The following CATSPERB variants were observed in gnomAD, a reference collection of about 807,000 sequenced individuals.
The protein encoded by CATSPERB is cation channel sperm-associated auxiliary subunit beta.
CATSPERB carries 93 observed loss-of-function variants against 128.3 expected under a neutral mutation model. The ratio of observed to expected loss-of-function variants is 0.72; its 90% CI spans 0.61 to 0.86. The LOEUF (loss-of-function observed/expected upper bound fraction) is 0.86, where lower values mean the gene tolerates loss of function less well. Among genes scored for constraint, CATSPERB ranks in the 40% least tolerant of loss-of-function variants. The pLI, the probability that CATSPERB is intolerant of heterozygous loss-of-function variation, is 0.00. For synonymous variants in CATSPERB, 381 were observed against 448.8 expected, an observed-to-expected ratio of 0.85 and a Z score of 1.91; for missense variants, 1,153 against 1,329.5, an observed-to-expected ratio of 0.87 and a Z score of 2.06.
intron 17 of CATSPERB, among the ~76,000 whole-genome samples, chr14:91,628,985 T>C (rs1363661590): frequency 1.2e-4 from 19 of 152,140 alleles, no homozygotes. Context: ...CTAAACATAC[T>C]CTTAGCATAC....
chr14:91,723,947 C>T lies in CATSPERB; in HGVS notation c.169-758G>A, dbSNP rs114380642. On this transcript the variant is annotated intron_variant, in intron 3 of 26. Coordinates refer to ENST00000256343, the MANE Select transcript of CATSPERB (RefSeq NM_024764.4). The stretch of plus-strand genomic sequence containing the variant: ...ATAAATATAGAATACATTATAAGAA[C>T]GAGGCAGGGAAGGGAGGTTGAGAGT... Among the ~76,000 whole-genome samples the T allele has an allele frequency of 5.2e-3, 797 of 152,084 alleles. 7 individuals are homozygous for T. Among genetic ancestry groups the T allele is most frequent in the African/African-American group, 0.018 (737 of 41,474 alleles).
chr14:91,684,686 C>T (rs1895344494), intron 10 of CATSPERB, among the ~76,000 whole-genome samples: 1 of 149,628 alleles, frequency 6.7e-6, no homozygotes, highest in East Asian at 2.0e-4. Context: ...ACAATTTCGG[C>T]TCACTACAAA....
intron 16 of CATSPERB, 120 bp from the exon 17 acceptor site, chr14:91,636,699 T>G: frequency 1.2e-6 from 1 of 846,690 alleles, no homozygotes; most frequent in Non-Finnish European, 1.8e-6. Context: ...ACTTATCAAT[T>G]GGAGAAATAA....
intron 14 of CATSPERB, among the ~76,000 whole-genome samples, chr14:91,661,548 T>TATATATATA (rs1566722229): frequency 7.5e-5 from 11 of 146,854 alleles, no homozygotes; most frequent in South Asian, 6.4e-4. Context: ...TATATATATA[T>TATATATATA]TTAAGACAGG....
chr14:91,686,241 T>A (rs573784220), intron 10 of CATSPERB, among the ~76,000 whole-genome samples: 1 of 152,330 alleles, frequency 6.6e-6, no homozygotes, highest in South Asian at 2.1e-4. Context: ...TTTTTAATGA[T>A]CTAGCCCCCT....
intron 11 of CATSPERB, among the ~76,000 whole-genome samples, chr14:91,679,841 G>C (rs182105319): frequency 9.5e-4 from 145 of 152,264 alleles, no homozygotes; most frequent in African/African-American, 3.4e-3. Context: ...ATAGACTCCA[G>C]TATCACCATC....
intron 17 of CATSPERB, among the ~76,000 whole-genome samples, chr14:91,631,596 C>T (rs755329045): frequency 4.6e-5 from 7 of 152,032 alleles, no homozygotes; most frequent in Admixed American, 1.3e-4. Context: ...ACCCAGGAGG[C>T]GGAGGTTGCA....
At chr14:91,606,540 G>A (rs1244280235) in intron 22 of CATSPERB, among the ~76,000 whole-genome samples, 5 of 152,226 alleles carry the variant, frequency 3.3e-5, no homozygotes, top group African/African-American at 1.2e-4. Flanking sequence ...TCCAGCCTGC[G>A]TGACAGAGCG....
chr14:91,711,577 T>C (rs1895840446), intron 5 of CATSPERB, among the ~76,000 whole-genome samples: 1 of 152,138 alleles, frequency 6.6e-6, no homozygotes, highest in African/African-American at 2.4e-5. Context: ...ATGAAAGTGT[T>C]CCAAAAGTTG....
intron 22 of CATSPERB, chr14:91,603,220 G>A (rs1893638674): frequency 3.5e-6 from 3 of 845,458 alleles, no homozygotes; most frequent in East Asian, 2.4e-5. Context: ...ATAAAATAGG[G>A]CATTCTTTTC....
chr14:91,624,357 G>A (rs1427740311), intron 18 of CATSPERB, among the ~76,000 whole-genome samples: 1 of 152,226 alleles, frequency 6.6e-6, no homozygotes, highest in African/African-American at 2.4e-5. Context: ...GGCAGCATGC[G>A]CCTGCAATCC....
intron 5 of CATSPERB, chr14:91,709,524 C>CAAAAAAAAAAAAAAA (rs71120188): frequency 1.3e-4 from 10 of 74,622 alleles, no homozygotes; most frequent in Non-Finnish European, 2.3e-4. Context: ...ACTAAAAATA[C>CAAAAAAAAAAAAAAA]AAAAAAAAAA....
At chr14:91,692,497 C>T (rs933559118) in intron 9 of CATSPERB, among the ~76,000 whole-genome samples, 1 of 152,154 alleles carries the variant, frequency 6.6e-6, no homozygotes, top group Admixed American at 6.5e-5. Flanking sequence ...GAGGAAGGCT[C>T]AGGTATATGT....
chr14:91,714,742 T>C (rs1895907618), intron 5 of CATSPERB, among the ~76,000 whole-genome samples: 1 of 151,946 alleles, frequency 6.6e-6, no homozygotes, highest in Non-Finnish European at 1.5e-5. Context: ...GTATTTTTAG[T>C]AGAGATGGGG....
chr14:91,681,993 C>G (rs996307899), intron 11 of CATSPERB, among the ~76,000 whole-genome samples: 1 of 152,220 alleles, frequency 6.6e-6, no homozygotes, highest in African/African-American at 2.4e-5. Flanking sequence ...GTTTTGTAGT[C>G]ATGAATACAT....
In CATSPERB at chr14:91,685,038, C is replaced by T. The variant is rs79876793; in HGVS notation, c.865-1095G>A. On this transcript the variant is annotated intron_variant, in intron 10 of 26. Coordinates refer to ENST00000256343, the MANE Select transcript of CATSPERB (RefSeq NM_024764.4). ...AACTCTTCAGCTTAATAAATCCTCC[C>T]GCCTCAGCCTCCCAAACAGCTGGGA... is the stretch of plus-strand genomic sequence containing the variant. Among the ~76,000 whole-genome samples, 513 of 152,024 alleles carry T rather than the reference C, an allele frequency of 3.4e-3. 14 individuals are homozygous for T. In the East Asian group the frequency reaches 0.062, roughly 18 times the overall value.
chr14:91,612,048 CTTTCTTTCT>C (rs1185739882), intron 20 of CATSPERB, among the ~76,000 whole-genome samples: 24 of 113,436 alleles, frequency 2.1e-4, no homozygotes, highest in Non-Finnish European at 4.0e-4. Flanking sequence ...TTCTTTCTTT[CTTTCTTTCT>C]TTCTTTCTTC....
chr14:91,666,074 T>G (rs574970322), intron 14 of CATSPERB, among the ~76,000 whole-genome samples: 1 of 152,312 alleles, frequency 6.6e-6, no homozygotes, highest in South Asian at 2.1e-4. Flanking sequence ...CCCTTCACTC[T>G]GCCACTCTTC....
At chr14:91,679,836 C>T (rs1895249976) in intron 11 of CATSPERB, among the ~76,000 whole-genome samples, 2 of 152,180 alleles carry the variant, frequency 1.3e-5, no homozygotes, top group South Asian at 4.1e-4. Flanking sequence ...AGGTCATAGA[C>T]TCCAGTATCA....
Sources: gnomAD v4.1 joint callset for allele counts (sites outside exome capture counted in the v4.1 genomes callset) on GRCh38, gnomAD v4.1.1 for gene constraint, MANE v1.5 for transcripts, NCBI Gene and HGNC (gene_info 2026-07-23, HGNC 2026-07-21) for gene names.